The following FBXO27 variants were observed in gnomAD, a reference collection of about 807,000 sequenced individuals.
The protein encoded by FBXO27 is F-box protein 27.
Under a neutral mutation model 28.3 loss-of-function variants are expected in FBXO27, and 28 were observed. That is an observed-to-expected ratio of 0.99 (90% CI 0.73 to 1.36). The LOEUF is 1.36. Among genes scored for constraint, FBXO27 ranks in the 40% most tolerant of loss-of-function variants. The pLI is 0.00. For synonymous variants in FBXO27, 175 were observed against 167.3 expected (o/e 1.05, Z -0.36); for missense variants, 388 against 394.1 (o/e 0.98, Z 0.13).
At chr19:39,021,332 T>C (rs182933773), downstream of FBXO27, among the ~76,000 whole-genome samples, 1 of 152,242 alleles carries the variant, frequency 6.6e-6, no homozygotes, top group East Asian at 1.9e-4. Flanking sequence ...CTGCCTGTCC[T>C]GCCTCCCTCT....
intron 4 of FBXO27, among the ~76,000 whole-genome samples, chr19:39,027,793 C>T (rs2072881359): frequency 1.3e-5 from 2 of 151,930 alleles, no homozygotes; most frequent in African/African-American, 4.8e-5. Flanking sequence ...GGACTATAGG[C>T]GTGAGCCACC....
intron 2 of FBXO27, among the ~76,000 whole-genome samples, chr19:39,008,087 A>C (rs2144878497): frequency 6.6e-6 from 1 of 150,682 alleles, no homozygotes; most frequent in South Asian, 2.1e-4. Context: ...ACATGGTGAA[A>C]CCCCCATCTC....
At chr19:39,020,564 G>C (rs528019719), downstream of FBXO27, among the ~76,000 whole-genome samples, 13 of 152,218 alleles carry the variant, frequency 8.5e-5, no homozygotes, top group Middle Eastern at 3.4e-3. Context: ...GCCTGATGTA[G>C]AGAACATTAG....
intron 4 of FBXO27, among the ~76,000 whole-genome samples, chr19:39,027,471 C>T (rs919484206): frequency 6.6e-5 from 10 of 152,278 alleles, no homozygotes; most frequent in East Asian, 1.9e-4. Flanking sequence ...AGTGCCAGCA[C>T]GGTAACATGT....
downstream of FBXO27, among the ~76,000 whole-genome samples, chr19:39,021,186 C>A (rs532009705): frequency 4.6e-5 from 7 of 152,306 alleles, no homozygotes; most frequent in East Asian, 7.7e-4. Context: ...TCTTTCACAA[C>A]ATGGACCCCT....
At chr19:39,016,610 A>C (rs949138734) in intron 1 of FBXO27, among the ~76,000 whole-genome samples, 1 of 147,742 alleles carries the variant, frequency 6.8e-6, no homozygotes, top group Non-Finnish European at 1.5e-5. Context: ...AAAAAAAAAA[A>C]CCCAAAAGCC....
chr19:39,016,592 G>GAAA (rs34873154), intron 1 of FBXO27, among the ~76,000 whole-genome samples: 14 of 112,320 alleles, frequency 1.2e-4, no homozygotes, highest in African/African-American at 3.3e-4. Context: ...TCTCTAATTT[G>GAAA]AAAAAAAAAA....
Position 39,025,306 on chromosome 19 carries a change from G to A in FBXO27, c.*105C>T. ...GATTGGACCCAGGAATTCTCAGTAT[G>A]CCAGGGAGGTACAAGTGCTTGGTTG... is the stretch of plus-strand genomic sequence containing the variant. On this transcript the variant is annotated 3_prime_UTR_variant, in exon 6 of 6. Coordinates refer to ENST00000292853, the MANE Select transcript of FBXO27 (RefSeq NM_178820.5). 7.0e-7 allele frequency: 1 copy of A among 1,419,504 alleles called. No homozygotes were observed. Among genetic ancestry groups the A allele is most frequent in the Non-Finnish European group, 9.5e-7 (1 of 1,049,118 alleles). 87.9% of individuals were successfully genotyped at this position (1,419,504 alleles called of 1,614,324 possible). A position where few individuals can be genotyped will look rare whatever the true frequency, so the allele number is the denominator to read the frequency against.
intron 2 of FBXO27, among the ~76,000 whole-genome samples, chr19:39,013,359 G>A (rs1387748361): frequency 6.6e-6 from 1 of 152,184 alleles, no homozygotes; most frequent in African/African-American, 2.4e-5. Flanking sequence ...GCCAGGCGCG[G>A]TGGCTCATGC....
At chr19:39,027,534 G>A (rs958939912) in intron 4 of FBXO27, among the ~76,000 whole-genome samples, 1 of 152,170 alleles carries the variant, frequency 6.6e-6, no homozygotes, top group Non-Finnish European at 1.5e-5. Flanking sequence ...TCTTTTCCCT[G>A]GATGCTGCTC....
downstream of FBXO27, among the ~76,000 whole-genome samples, chr19:39,021,855 G>T (rs2072846592): frequency 6.6e-6 from 1 of 151,954 alleles, no homozygotes; most frequent in Non-Finnish European, 1.5e-5. Context: ...TAGAGATGGG[G>T]TTTCACCATG....
Position 39,017,584 on chromosome 19 carries a change from A to G in FBXO27, c.92-3037T>C, listed in dbSNP as rs537212214. 1.3e-4 allele frequency among the ~76,000 whole-genome samples: 19 copies of G among 150,228 alleles called. 1 individual carries two copies. The highest frequency in any genetic ancestry group is 6.3e-4 in the South Asian group (3 of 4,780). On this transcript the variant is annotated intron_variant, in intron 1 of 2. Transcript: ENST00000598394. ...GTGGCACGTGCCTGTAATGCCACTT[A>G]CTTGGGAGGCTGAGAATCACTTGAA...
At chr19:39,006,363 G>C (rs1003729547) in intron 2 of FBXO27, among the ~76,000 whole-genome samples, 3 of 152,044 alleles carry the variant, frequency 2.0e-5, no homozygotes, top group African/African-American at 7.2e-5. Flanking sequence ...TTCGAGACCA[G>C]CCCAACCAAC....
At chr19:39,011,052 T>C (rs990808854) in intron 2 of FBXO27, among the ~76,000 whole-genome samples, 1 of 152,232 alleles carries the variant, frequency 6.6e-6, no homozygotes, top group African/African-American at 2.4e-5. Flanking sequence ...TTTTCAAGAT[T>C]GTTTTGGCTA....
chr19:39,015,890 T>C (rs1240713772), intron 1 of FBXO27, among the ~76,000 whole-genome samples: 1 of 151,708 alleles, frequency 6.6e-6, no homozygotes, highest in Non-Finnish European at 1.5e-5. Flanking sequence ...GGCTACATGG[T>C]AAAACCCCGT....
intron 1 of FBXO27, among the ~76,000 whole-genome samples, chr19:39,016,234 G>C (rs929685644): frequency 5.3e-5 from 8 of 152,160 alleles, no homozygotes; most frequent in African/African-American, 1.9e-4. Flanking sequence ...TCCAAATCCA[G>C]AGAATGCACG....
At chr19:39,019,548 G>A (rs568834673), downstream of FBXO27, among the ~76,000 whole-genome samples, 54 of 150,428 alleles carry the variant, frequency 3.6e-4, 1 homozygote, top group African/African-American at 1.3e-3. Context: ...CTAAAGGAAG[G>A]TGAGGGACAT....
rs374354881 is a variant in FBXO27, at chr19:39,031,894, G to C, written c.334C>G (p.Arg112Gly). ...CCGCAGGGGTTGCGAATAAGGTTGCGTCCGATGGGTCTGCGCGCGCAGAAG... is the reference window on the plus strand; with the variant it reads ...CCGCAGGGGTTGCGAATAAGGTTGCCTCCGATGGGTCTGCGCGCGCAGAAG... ...GRFCARRPIGRNLIRNPCGQE... is the reference protein window; with the variant it reads ...GRFCARRPIGGNLIRNPCGQE... Residue 112 changes from arginine to glycine, a missense_variant, in exon 2 of 6, where the codon CGC becomes GGC. Coordinates refer to ENST00000292853, the MANE Select transcript of FBXO27 (RefSeq NM_178820.5). 6.7e-7 allele frequency: 1 copy of C among 1,498,874 alleles called. No homozygotes were observed. Among genetic ancestry groups the C allele is most frequent in the Non-Finnish European group, 8.8e-7 (1 of 1,136,118 alleles). The allele number at this position is 1,498,874 out of a possible 1,614,324, so 92.8% of individuals were successfully genotyped here.
chr19:39,007,545 G>T (rs755351127), intron 2 of FBXO27, among the ~76,000 whole-genome samples: 29 of 152,142 alleles, frequency 1.9e-4, no homozygotes, highest in Admixed American at 3.9e-4. Context: ...GTTCTCGGGA[G>T]TAGTTCTGAA....
Sources: gnomAD v4.1 joint callset for allele counts (sites outside exome capture counted in the v4.1 genomes callset) on GRCh38, gnomAD v4.1.1 for gene constraint, MANE v1.5 for transcripts, NCBI Gene and HGNC (gene_info 2026-07-23, HGNC 2026-07-21) for gene names.